EPHB1: variants seen among roughly 807,000 people sequenced by gnomAD.
The protein encoded by EPHB1 is ephrin type-B receptor 1.
A neutral mutation model predicts 94.4 loss-of-function variants in EPHB1; 30 were observed. That is an observed-to-expected ratio of 0.32 (90% CI 0.24 to 0.43). The LOEUF (loss-of-function observed/expected upper bound fraction) is 0.43, where lower values mean the gene tolerates loss of function less well. Ranked by LOEUF, EPHB1 falls within the 20% of genes least tolerant of loss-of-function variation. The probability of loss-of-function intolerance (pLI) is 1.00; values close to 1 mark genes in which losing one functional copy is unlikely to be tolerated. For synonymous variants in EPHB1, 522 were observed against 489.1 expected, an observed-to-expected ratio of 1.07 and a Z score of -0.89; for missense variants, 1,055 against 1,308.3, an observed-to-expected ratio of 0.81 and a Z score of 2.99.
rs114927121 is a variant in EPHB1, at chr3:134,956,037, C to T, written c.805+3985C>T. ...CTCTCAGCAGACTCTCTCTCTCTCT[C>T]TACTGTGTAGCCTAAAATATTGCTT... On this transcript the variant is annotated intron_variant, in intron 3 of 15. Transcript: ENST00000398015. 4.9e-3 allele frequency among the ~76,000 whole-genome samples: 745 copies of T among 152,226 alleles called. 4 individuals carry two copies. Among genetic ancestry groups the T allele is most frequent in the African/African-American group, 0.017 (699 of 41,524 alleles).
intron 3 of EPHB1, among the ~76,000 whole-genome samples, chr3:135,019,550 T>A (rs530762227): frequency 5.6e-4 from 85 of 152,098 alleles, no homozygotes; most frequent in African/African-American, 2.0e-3. Flanking sequence ...AAAGAAAAAA[T>A]GAAAATCACC....
chr3:134,804,566 A>C (rs1210199458), intron 1 of EPHB1, among the ~76,000 whole-genome samples: 1 of 151,604 alleles, frequency 6.6e-6, no homozygotes, highest in Non-Finnish European at 1.5e-5. Flanking sequence ...TGTGGGGGGG[A>C]GGAATCAGGG....
At chr3:135,028,731 T>C (rs1393459620) in intron 3 of EPHB1, among the ~76,000 whole-genome samples, 1 of 94,572 alleles carries the variant, frequency 1.1e-5, no homozygotes, top group Non-Finnish European at 2.2e-5. Flanking sequence ...TCTGTAGATG[T>C]CTATTAGGTC....
intron 3 of EPHB1, among the ~76,000 whole-genome samples, chr3:134,959,013 T>C (rs1171612098): frequency 1.3e-5 from 2 of 152,202 alleles, no homozygotes; most frequent in African/African-American, 2.4e-5. Context: ...CTACTGATCA[T>C]GATTTGGCAG....
At chr3:134,813,336 C>A (rs1017274382) in intron 1 of EPHB1, among the ~76,000 whole-genome samples, 4 of 152,208 alleles carry the variant, frequency 2.6e-5, no homozygotes, top group Non-Finnish European at 5.9e-5. Context: ...CATTCTCCTG[C>A]CTCTACTTGG....
At chr3:135,158,004 G>A (rs1335341471) in intron 6 of EPHB1, among the ~76,000 whole-genome samples, 9 of 152,160 alleles carry the variant, frequency 5.9e-5, no homozygotes, top group Non-Finnish European at 7.3e-5. Flanking sequence ...ATGATACTTC[G>A]GTGGTGGAAA....
rs576511425 is a variant in EPHB1 at position 135,038,099 on chromosome 3, C to A, written c.806-68349C>A. Among the ~76,000 whole-genome samples the A allele has an allele frequency of 2.6e-5, 4 of 152,332 alleles. No individual in the cohort carries two copies. The South Asian group carries it at 8.3e-4, about 32-fold the overall frequency. On this transcript the variant is annotated intron_variant, in intron 3 of 15. Transcript: ENST00000398015. Reference sequence around the variant, plus strand: ...CCTCACCAGAGTAAGGTGTGAGGGGCAAGTTAGCCATTTGTAGCTCCAGTG... The same window carrying A: ...CCTCACCAGAGTAAGGTGTGAGGGGAAAGTTAGCCATTTGTAGCTCCAGTG...
At chr3:135,050,982 A>G (rs1273006007) in intron 3 of EPHB1, among the ~76,000 whole-genome samples, 1 of 151,992 alleles carries the variant, frequency 6.6e-6, no homozygotes, top group Non-Finnish European at 1.5e-5. Context: ...AAAGAAAGAG[A>G]AAGGAGAATA....
In EPHB1 at chr3:134,807,185, G is replaced by C. The variant is rs1035737807; in HGVS notation, c.58+11496G>C. Among the ~76,000 whole-genome samples the C allele has an allele frequency of 1.9e-4, 29 of 152,320 alleles. 1 individual carries two copies. Among genetic ancestry groups the C allele is most frequent in the East Asian group, 1.2e-3 (6 of 5,186 alleles). On this transcript the variant is annotated intron_variant, in intron 1 of 15. Transcript: ENST00000398015. ...GAGGCAAATGGGGAGTGAGAGCAGAGAGACCGAACTGCCAGCACTGCCTAG... is the reference window on the plus strand; with the variant it reads ...GAGGCAAATGGGGAGTGAGAGCAGACAGACCGAACTGCCAGCACTGCCTAG...
chr3:135,037,167 G>A (rs1936671688), intron 3 of EPHB1, among the ~76,000 whole-genome samples: 1 of 152,218 alleles, frequency 6.6e-6, no homozygotes, highest in African/African-American at 2.4e-5. Flanking sequence ...GCAAAATAGA[G>A]GGTTTTCTGT....
intron 3 of EPHB1, among the ~76,000 whole-genome samples, chr3:135,093,333 C>T (rs1272942381): frequency 6.6e-6 from 1 of 152,182 alleles, no homozygotes; most frequent in Non-Finnish European, 1.5e-5. Flanking sequence ...TCTGCCTTGT[C>T]CTGCTGCCAG....
intron 7 of EPHB1, among the ~76,000 whole-genome samples, chr3:135,165,697 G>A (rs1350095088): frequency 6.6e-6 from 1 of 152,168 alleles, no homozygotes; most frequent in Non-Finnish European, 1.5e-5. Flanking sequence ...AATGTAGATT[G>A]GAAATCATCT....
At chr3:135,027,527 G>A (rs1206470417) in intron 3 of EPHB1, among the ~76,000 whole-genome samples, 1 of 148,948 alleles carries the variant, frequency 6.7e-6, no homozygotes, top group Non-Finnish European at 1.5e-5. Context: ...TTATTGATTT[G>A]CGTATATTGA....
At chr3:135,008,086 G>T (rs1471679957) in intron 3 of EPHB1, among the ~76,000 whole-genome samples, 1 of 152,156 alleles carries the variant, frequency 6.6e-6, no homozygotes, top group Non-Finnish European at 1.5e-5. Flanking sequence ...GCTACTATTG[G>T]CGCCTGAGCT....
chr3:135,158,900 T>C (rs1941432463), intron 6 of EPHB1, among the ~76,000 whole-genome samples: 1 of 152,236 alleles, frequency 6.6e-6, no homozygotes, highest in South Asian at 2.1e-4. Flanking sequence ...GTTTAGGCCT[T>C]GGTAATTTCT....
Position 134,951,954 on chromosome 3 carries a change from T to C in EPHB1, c.707T>C (p.Ile236Thr), listed in dbSNP as rs747340696. The change falls in exon 3 of 16, where the codon ATC becomes ACC. Residue 236 changes from isoleucine to threonine, a missense_variant. Physicochemically the swap from Ile to Thr is moderately conservative, Grantham distance 89. Transcript: ENST00000398015. The surrounding 1 kb of genome is among the most constrained non-coding windows in gnomAD (Gnocchi z 4.5). ...IPNAEEVDVP[I>T]KLYCNGDGEW... ...AACGCAGAGGAAGTGGACGTGCCCA[T>C]CAAACTCTACTGCAACGGGGATGGG... 1 of 1,614,008 alleles carries C rather than the reference T, an allele frequency of 6.2e-7. No homozygotes were observed. Among genetic ancestry groups the C allele is most frequent in the African/African-American group, 1.3e-5 (1 of 75,064 alleles).
chr3:134,877,221 C>T (rs1329637225), intron 1 of EPHB1, among the ~76,000 whole-genome samples: 1 of 152,158 alleles, frequency 6.6e-6, no homozygotes, highest in East Asian at 1.9e-4. Context: ...CAGGGTCACT[C>T]CTTTGTGGGC....
intron 3 of EPHB1, among the ~76,000 whole-genome samples, chr3:135,098,806 G>C (rs1938909512): frequency 1.3e-5 from 2 of 151,982 alleles, no homozygotes; most frequent in Non-Finnish European, 2.9e-5. Flanking sequence ...GTGGTCAGGT[G>C]CTCAGAACAA....
At chr3:135,092,098 G>A (rs1284428936) in intron 3 of EPHB1, among the ~76,000 whole-genome samples, 1 of 152,208 alleles carries the variant, frequency 6.6e-6, no homozygotes, top group African/African-American at 2.4e-5. Context: ...CAGCCTGACT[G>A]CCAGCATATG....
Sources: gnomAD v4.1 joint callset for allele counts (sites outside exome capture counted in the v4.1 genomes callset) on GRCh38, gnomAD v4.1.1 for gene constraint, Gnocchi (gnomAD v3.1) non-coding constraint, MANE v1.5 for transcripts, NCBI Gene and HGNC (gene_info 2026-07-23, HGNC 2026-07-21) for gene names.